Variants in CTNND2 observed in about 807,000 individuals in gnomAD.
CTNND2 encodes catenin delta-2.
Under a neutral mutation model 144.4 loss-of-function variants are expected in CTNND2, and 22 were observed. The ratio of observed to expected loss-of-function variants is 0.15; its 90% CI spans 0.11 to 0.22. The LOEUF (loss-of-function observed/expected upper bound fraction) is 0.22. Among genes scored for constraint, CTNND2 ranks in the 10% least tolerant of loss-of-function variants. The probability of loss-of-function intolerance (pLI) is 1.00; values close to 1 mark genes in which losing one functional copy is unlikely to be tolerated. For synonymous variants in CTNND2, 751 were observed against 695.6 expected, an observed-to-expected ratio of 1.08 and a Z score of -1.25; for missense variants, 1,353 against 1,618.8, an observed-to-expected ratio of 0.84 and a Z score of 2.82.
intron 2 of CTNND2, among the ~76,000 whole-genome samples, chr5:11,688,571 C>A (rs1581723313): frequency 6.6e-6 from 1 of 152,180 alleles, no homozygotes; most frequent in African/African-American, 2.4e-5. Flanking sequence ...AAAATTCTTG[C>A]ATGGGTTATC....
chr5:11,716,436 T>C (rs909357717), intron 2 of CTNND2, among the ~76,000 whole-genome samples: 1 of 152,188 alleles, frequency 6.6e-6, no homozygotes, highest in Non-Finnish European at 1.5e-5. Context: ...ATAAGAGAGA[T>C]TATTTACTTT....
intron 1 of CTNND2, among the ~76,000 whole-genome samples, chr5:11,812,501 T>C (rs1022536665): frequency 1.3e-5 from 2 of 152,056 alleles, no homozygotes; most frequent in African/African-American, 4.8e-5. Flanking sequence ...TCCTTTTCTA[T>C]CCCATTTGTT....
intron 3 of CTNND2, among the ~76,000 whole-genome samples, chr5:11,485,389 G>A (rs1340989971): frequency 1.3e-5 from 2 of 150,708 alleles, no homozygotes; most frequent in East Asian, 1.9e-4. Flanking sequence ...GCGCGCGCGT[G>A]CGCGCGCACA....
At chr5:11,248,555 G>C (rs1743246019) in intron 9 of CTNND2, among the ~76,000 whole-genome samples, 1 of 152,058 alleles carries the variant, frequency 6.6e-6, no homozygotes, top group African/African-American at 2.4e-5. Flanking sequence ...ATAAACCATA[G>C]ACTAGAGCAC....
intron 3 of CTNND2, among the ~76,000 whole-genome samples, chr5:11,427,438 C>A (rs143937613): frequency 6.6e-6 from 1 of 151,718 alleles, no homozygotes; most frequent in Non-Finnish European, 1.5e-5. Flanking sequence ...CTGCCATGCC[C>A]GGCTAATTTT....
At chr5:11,410,604 G>T (rs1761436360) in intron 5 of CTNND2, among the ~76,000 whole-genome samples, 1 of 152,044 alleles carries the variant, frequency 6.6e-6, no homozygotes, top group South Asian at 2.1e-4. Context: ...TTTAAAGGAG[G>T]TCCATTTCAA....
intron 1 of CTNND2, among the ~76,000 whole-genome samples, chr5:11,837,231 C>A (rs1332465527): frequency 6.6e-6 from 1 of 152,150 alleles, no homozygotes; most frequent in Non-Finnish European, 1.5e-5. Flanking sequence ...ATGAAAAAAT[C>A]TGGTGAATGG....
chr5:11,349,890 C>A (rs1237822533), intron 8 of CTNND2, among the ~76,000 whole-genome samples: 9 of 152,178 alleles, frequency 5.9e-5, no homozygotes, highest in Non-Finnish European at 1.2e-4. Flanking sequence ...TACACTGTTT[C>A]ACTTTGGGAG....
At chr5:11,462,190 G>A (rs888527647) in intron 3 of CTNND2, among the ~76,000 whole-genome samples, 3 of 152,032 alleles carry the variant, frequency 2.0e-5, no homozygotes, top group African/African-American at 7.2e-5. Flanking sequence ...CCAAGCAGAG[G>A]GCATAATTCC....
At chr5:11,480,656 G>GTT (rs937503475) in intron 3 of CTNND2, among the ~76,000 whole-genome samples, 6 of 151,866 alleles carry the variant, frequency 4.0e-5, no homozygotes, top group African/African-American at 1.5e-4. Context: ...ATGTGTGTGT[G>GTT]TGTGTGTGTG....
At chr5:11,505,705 T>A (rs1396045370) in intron 3 of CTNND2, among the ~76,000 whole-genome samples, 1 of 152,146 alleles carries the variant, frequency 6.6e-6, no homozygotes, top group East Asian at 1.9e-4. Context: ...GTTCTAAATA[T>A]CTTAGTTTAC....
chr5:11,494,868 C>T (rs373959329), intron 3 of CTNND2, among the ~76,000 whole-genome samples: 65 of 152,120 alleles, frequency 4.3e-4, no homozygotes, highest in African/African-American at 7.2e-4. Flanking sequence ...CAAAAGACCA[C>T]GAAAGATCAC....
At chr5:11,159,160 T>C (rs1228305481) in intron 12 of CTNND2, among the ~76,000 whole-genome samples, 1 of 152,190 alleles carries the variant, frequency 6.6e-6, no homozygotes, top group Non-Finnish European at 1.5e-5. Flanking sequence ...TTTTAAAAAA[T>C]GGCTACTTGT....
intron 16 of CTNND2, among the ~76,000 whole-genome samples, chr5:11,054,072 A>G (rs1461048802): frequency 2.0e-5 from 3 of 152,224 alleles, no homozygotes; most frequent in Non-Finnish European, 4.4e-5. Flanking sequence ...AAAATGCTTA[A>G]TCTCTTTTTC....
chr5:11,205,199 T>A (rs1248304057), intron 10 of CTNND2, among the ~76,000 whole-genome samples: 1 of 152,144 alleles, frequency 6.6e-6, no homozygotes, highest in Non-Finnish European at 1.5e-5. Flanking sequence ...ATGTATAGCA[T>A]ATCATATATA....
chr5:11,202,622 G>C (rs1015215293), intron 10 of CTNND2, among the ~76,000 whole-genome samples: 1 of 152,004 alleles, frequency 6.6e-6, no homozygotes, highest in Non-Finnish European at 1.5e-5. Flanking sequence ...CCAGGTCCTT[G>C]GTTCTCCCTC....
At position 11,470,974 on chromosome 5, in the gene CTNND2, ATATATATTTT is replaced by A. The variant is rs1460861046; in HGVS notation, c.288-58915_288-58906del. 6.9e-4 allele frequency among the ~76,000 whole-genome samples: 68 copies of A among 98,094 alleles called. 1 individual carries two copies. The highest frequency in any genetic ancestry group is 3.1e-3 in the African/African-American group (61 of 19,662). 64.4% of individuals were successfully genotyped at this position (98,094 alleles called of 152,430 possible). ...ACAAAGTATATATATATATATATAT[ATATATATTTT>A]TTTTTTTTTTTTAGATGGAGTCTCT... is the stretch of plus-strand genomic sequence containing the variant. On this transcript the variant is annotated intron_variant, in intron 3 of 21. Transcript: ENST00000304623.
intron 3 of CTNND2, among the ~76,000 whole-genome samples, chr5:11,424,780 A>AT (rs967345032): frequency 3.9e-5 from 6 of 152,250 alleles, no homozygotes; most frequent in Non-Finnish European, 7.4e-5. Flanking sequence ...TTAAACTAGA[A>AT]TTTTTTTTAA....
At chr5:11,696,721 C>A (rs1043330214) in intron 2 of CTNND2, among the ~76,000 whole-genome samples, 4 of 152,140 alleles carry the variant, frequency 2.6e-5, no homozygotes, top group African/African-American at 9.7e-5. Context: ...ACCTGCAGAT[C>A]CTAAGGGAGG....
Sources: allele counts gnomAD v4.1 joint callset (sites outside exome capture counted in the v4.1 genomes callset), GRCh38; gene constraint gnomAD v4.1.1; transcripts MANE v1.5; gene names NCBI Gene and HGNC (gene_info 2026-07-23, HGNC 2026-07-21).